TMEM181: variants seen among roughly 807,000 people sequenced by gnomAD.
TMEM181 encodes transmembrane protein 181, also known as G protein-coupled receptor 178.
TMEM181 carries 39 observed loss-of-function variants against 71.9 expected under a neutral mutation model. The observed-to-expected ratio is 0.54, with a 90% CI of 0.42 to 0.71. TMEM181 has a LOEUF of 0.71. TMEM181 is among the 30% of genes least tolerant of loss of function. TMEM181 has a pLI of 0.00. For missense variants in TMEM181, 595 were observed against 583.0 expected (o/e 1.02, Z -0.21); for synonymous variants, 245 against 228.8 (o/e 1.07, Z -0.64).
intron 1 of TMEM181, among the ~76,000 whole-genome samples, chr6:158,544,999 A>G (rs1781478938): frequency 6.6e-6 from 1 of 152,214 alleles, no homozygotes; most frequent in Non-Finnish European, 1.5e-5. Context: ...CCTAAAAGGA[A>G]AACGCCCCGG....
In TMEM181 at chr6:158,608,447, A is replaced by G. The variant is rs1202235403; in HGVS notation, c.788A>G (p.His263Arg). ...ALLLFWLCVY[H>R]GIRVQGERKC... ...CTGCTCTTCTGGCTGTGCGTGTACC[A>G]CGGGATTCGTGTCCAGGTGAGCCGG... The change falls in exon 9 of 17, where the codon CAC (histidine) becomes CGC (arginine). Residue 263 changes from histidine (H) to arginine (R), a missense_variant. His to Arg is a conservative substitution (Grantham distance 29). Coordinates refer to ENST00000684151, the MANE Select transcript of TMEM181 (RefSeq NM_001376852.1). The G allele has an allele frequency of 3.1e-6, 5 of 1,614,090 alleles. No individual in the cohort carries two copies. The highest frequency in any genetic ancestry group is 3.4e-6 in the Non-Finnish European group (4 of 1,180,010).
At chr6:158,541,432 CA>C (rs1053278874) in intron 1 of TMEM181, among the ~76,000 whole-genome samples, 1 of 49,228 alleles carries the variant, frequency 2.0e-5, no homozygotes, top group Non-Finnish European at 4.0e-5. Flanking sequence ...AACAAAAAAA[CA>C]AAAAACAAAA....
At chr6:158,581,765 A>AAAG (rs1783495132) in intron 3 of TMEM181, among the ~76,000 whole-genome samples, 1 of 151,524 alleles carries the variant, frequency 6.6e-6, no homozygotes. Flanking sequence ...AAAAAAAAAA[A>AAAG]AAAAAAAAAG....
In TMEM181 at chr6:158,620,216, C is replaced by T. The variant is rs949570626; in HGVS notation, c.897-3334C>T. 5.3e-5 allele frequency among the ~76,000 whole-genome samples: 8 copies of T among 151,972 alleles called. No homozygotes were observed. In the East Asian group the frequency reaches 1.4e-3, roughly 26 times the overall value. ...CCATGTGGGCTGGTGAGAGGAGGCC[C>T]GGGGGGGTCTATTTTTATTAGGCAT... is the stretch of plus-strand genomic sequence containing the variant. On this transcript the variant is annotated intron_variant, in intron 10 of 16. Coordinates refer to ENST00000684151, the MANE Select transcript of TMEM181 (RefSeq NM_001376852.1). This position sits in a 1 kb window ranked among gnomAD's most constrained non-coding sequence, Gnocchi z 4.5.
At chr6:158,608,251 G>A (rs1785072349) in intron 8 of TMEM181, 82 bp from the exon 9 acceptor site, 2 of 1,554,166 alleles carry the variant, frequency 1.3e-6, no homozygotes, top group Non-Finnish European at 1.8e-6. Context: ...GCTAGGTGCT[G>A]ACCCCGCAGA....
intron 1 of TMEM181, among the ~76,000 whole-genome samples, chr6:158,566,247 G>A (rs951472727): frequency 3.9e-5 from 6 of 152,088 alleles, no homozygotes; most frequent in African/African-American, 1.4e-4. Context: ...GGTTGAGTAG[G>A]GGTCTGGAGT....
In TMEM181 at chr6:158,592,155, C is replaced by G. The variant is rs923440906; in HGVS notation, c.492+2373C>G. ...TCTGCGTTTTTTGTACATTTCGTTTCCCCAGCAGCCAGCATAGGGCCCAGC... is the reference window on the plus strand; with the variant it reads ...TCTGCGTTTTTTGTACATTTCGTTTGCCCAGCAGCCAGCATAGGGCCCAGC... On this transcript the variant is annotated intron_variant, in intron 6 of 16. Transcript: ENST00000684151. 1.3e-5 allele frequency among the ~76,000 whole-genome samples: 2 copies of G among 152,156 alleles called. 1 individual carries two copies. The highest frequency in any genetic ancestry group is 4.1e-4 in the South Asian group (2 of 4,830).
chr6:158,594,099 CTTTTTTTTTTT>C (rs60295531), intron 6 of TMEM181, among the ~76,000 whole-genome samples: 1 of 114,040 alleles, frequency 8.8e-6, no homozygotes, highest in Non-Finnish European at 1.7e-5. Context: ...ATGGTTTTGC[CTTTTTTTTTTT>C]TTTTTTTTTT....
chr6:158,542,215 C>A (rs968520646), intron 1 of TMEM181, among the ~76,000 whole-genome samples: 1 of 152,100 alleles, frequency 6.6e-6, no homozygotes, highest in African/African-American at 2.4e-5. Context: ...CCTAGATATT[C>A]TTTTAATCAC....
chr6:158,621,501 T>C (rs1785953497), intron 10 of TMEM181: 2 of 201,940 alleles, frequency 9.9e-6, no homozygotes, highest in South Asian at 2.2e-4. Flanking sequence ...CAGCCCGTCC[T>C]GAACCCAACA....
chr6:158,562,258 G>T (rs973295946), intron 1 of TMEM181, among the ~76,000 whole-genome samples: 26 of 152,198 alleles, frequency 1.7e-4, no homozygotes, highest in African/African-American at 6.3e-4. Context: ...CTCTCCTGCA[G>T]TCTCCATTCC....
At chr6:158,586,627 T>C (rs1357198117) in intron 5 of TMEM181, among the ~76,000 whole-genome samples, 1 of 152,160 alleles carries the variant, frequency 6.6e-6, no homozygotes, top group African/African-American at 2.4e-5. Context: ...TAGTGATACA[T>C]ATACTGGCAC....
intron 7 of TMEM181, among the ~76,000 whole-genome samples, chr6:158,606,624 A>G (rs1344030271): frequency 1.3e-5 from 2 of 152,246 alleles, no homozygotes; most frequent in African/African-American, 4.8e-5. Context: ...CCTAAAAATT[A>G]TGTTATATAA....
chr6:158,565,032 T>C (rs575592786), intron 1 of TMEM181, among the ~76,000 whole-genome samples: 2 of 152,316 alleles, frequency 1.3e-5, no homozygotes, highest in South Asian at 4.1e-4. Flanking sequence ...GATGAAGGTG[T>C]CTCTCACACC....
At chr6:158,550,980 TAGA>T (rs1781705640) in intron 1 of TMEM181, among the ~76,000 whole-genome samples, 2 of 150,646 alleles carry the variant, frequency 1.3e-5, no homozygotes, top group Non-Finnish European at 1.5e-5. Context: ...TTTTTTTTTT[TAGA>T]CAGAGTTTCT....
At chr6:158,603,406 A>G (rs1483734954) in intron 6 of TMEM181, among the ~76,000 whole-genome samples, 3 of 152,124 alleles carry the variant, frequency 2.0e-5, no homozygotes, top group Non-Finnish European at 4.4e-5. Context: ...TGAGAATCTA[A>G]TGCCCTGGCC....
chr6:158,606,010 G>A (rs944287984), intron 7 of TMEM181, among the ~76,000 whole-genome samples: 2 of 152,234 alleles, frequency 1.3e-5, no homozygotes, highest in African/African-American at 4.8e-5. Context: ...GGATGGTGGG[G>A]AGGTGACATT....
At chr6:158,543,461 A>T (rs1781423447) in intron 1 of TMEM181, among the ~76,000 whole-genome samples, 1 of 152,196 alleles carries the variant, frequency 6.6e-6, no homozygotes, top group Admixed American at 6.5e-5. Context: ...AAAACACCAC[A>T]GCCTGCAGGG....
intron 3 of TMEM181, 126 bp downstream of exon 3, chr6:158,581,121 A>G (rs1269891216): frequency 1.7e-5 from 15 of 876,492 alleles, no homozygotes; most frequent in East Asian, 2.5e-5. Flanking sequence ...CAGGCAACAC[A>G]TTTCTTCTTC....
Sources: gnomAD v4.1 joint callset for allele counts (sites outside exome capture counted in the v4.1 genomes callset) on GRCh38, gnomAD v4.1.1 for gene constraint, Gnocchi (gnomAD v3.1) non-coding constraint, MANE v1.5 for transcripts, NCBI Gene and HGNC (gene_info 2026-07-23, HGNC 2026-07-21) for gene names.